Variants in BRINP1 observed in about 807,000 individuals in gnomAD.
The protein encoded by BRINP1 is BMP/retinoic acid-inducible neural-specific protein 1.
BRINP1 carries 17 observed loss-of-function variants against 72.9 expected under a neutral mutation model. The ratio of observed to expected loss-of-function variants is 0.23; its 90% CI spans 0.16 to 0.35. The LOEUF (loss-of-function observed/expected upper bound fraction) is 0.35. Among genes scored for constraint, BRINP1 ranks in the 10% least tolerant of loss-of-function variants. The probability of loss-of-function intolerance (pLI) is 1.00; values close to 1 mark genes in which losing one functional copy is unlikely to be tolerated. For synonymous variants in BRINP1, 418 were observed against 378.5 expected, an observed-to-expected ratio of 1.10 and a Z score of -1.21; for missense variants, 850 against 1,001.6, an observed-to-expected ratio of 0.85 and a Z score of 2.04.
At chr9:119,267,505 G>A (rs969705843) in intron 2 of BRINP1, among the ~76,000 whole-genome samples, 4 of 151,748 alleles carry the variant, frequency 2.6e-5, no homozygotes, top group Non-Finnish European at 5.9e-5. Flanking sequence ...GTGTGGTGGC[G>A]GGTGCCTGTA....
chr9:119,191,505 A>G (rs867078177), intron 7 of BRINP1, among the ~76,000 whole-genome samples: 5 of 152,020 alleles, frequency 3.3e-5, no homozygotes, highest in Middle Eastern at 3.4e-3. Flanking sequence ...GTTGAAAAAG[A>G]AATTTTAAAA....
chr9:119,304,233 T>C (rs753596186), intron 2 of BRINP1, among the ~76,000 whole-genome samples: 1 of 152,192 alleles, frequency 6.6e-6, no homozygotes, highest in Non-Finnish European at 1.5e-5. Flanking sequence ...TCTTGGAATT[T>C]ATCCTTATTT....
intron 2 of BRINP1, among the ~76,000 whole-genome samples, chr9:119,283,633 A>G (rs1177720410): frequency 1.3e-5 from 2 of 152,096 alleles, no homozygotes; most frequent in Non-Finnish European, 1.5e-5. Flanking sequence ...GGTTCAAGCA[A>G]TTGATTCTCT....
At chr9:119,300,926 T>C (rs1215816185) in intron 2 of BRINP1, among the ~76,000 whole-genome samples, 1 of 152,240 alleles carries the variant, frequency 6.6e-6, no homozygotes, top group Non-Finnish European at 1.5e-5. Context: ...TTTCCCGCTG[T>C]ACCACCAGCC....
chr9:119,333,199 G>A (rs1831316814), intron 1 of BRINP1, among the ~76,000 whole-genome samples: 1 of 151,908 alleles, frequency 6.6e-6, no homozygotes, highest in Admixed American at 6.6e-5. Context: ...GGTGGCTCAT[G>A]CCTGTAATCC....
chr9:119,192,980 G>A (rs976257690), intron 7 of BRINP1, among the ~76,000 whole-genome samples: 1 of 152,198 alleles, frequency 6.6e-6, no homozygotes, highest in African/African-American at 2.4e-5. Flanking sequence ...TTATGGCATA[G>A]TATTTGCATA....
intron 5 of BRINP1, among the ~76,000 whole-genome samples, chr9:119,238,206 T>G (rs1830210929): frequency 6.6e-6 from 1 of 152,192 alleles, no homozygotes; most frequent in Non-Finnish European, 1.5e-5. Context: ...CTATGTGTAC[T>G]TAAAGCCTTG....
intron 1 of BRINP1, among the ~76,000 whole-genome samples, chr9:119,350,892 G>A (rs1388168080): frequency 6.7e-6 from 1 of 149,050 alleles, no homozygotes; most frequent in East Asian, 2.0e-4. Context: ...AACCACAAGT[G>A]TATTTATGTC....
chr9:119,167,953 G>T lies in BRINP1; in HGVS notation c.1417C>A (p.Gln473Lys), dbSNP rs1181601754. The change falls in exon 8 of 8, where the codon CAG becomes AAG. Residue 473 changes from glutamine to lysine, a missense_variant. Coordinates refer to ENST00000265922, the MANE Select transcript of BRINP1 (RefSeq NM_014618.3). This position sits in a 1 kb window ranked among gnomAD's most constrained non-coding sequence, Gnocchi z 4.3. ...PQNVDSERSEQFISFETDLDF... is the reference protein window; with the variant it reads ...PQNVDSERSEKFISFETDLDF... ...AGGTCAGTCTCAAAGCTGATGAACT[G>T]CTCGCTCCGCTCCGAGTCCACGTTC... is the stretch of plus-strand genomic sequence containing the variant. The T allele has an allele frequency of 6.2e-7, 1 of 1,614,228 alleles. No homozygotes were observed. Among genetic ancestry groups the T allele is most frequent in the Non-Finnish European group, 8.5e-7 (1 of 1,180,042 alleles).
intron 1 of BRINP1, among the ~76,000 whole-genome samples, chr9:119,327,414 G>A (rs1831251055): frequency 1.3e-5 from 2 of 152,146 alleles, no homozygotes; most frequent in Non-Finnish European, 2.9e-5. Context: ...TTATTGGGTA[G>A]GTACTGAATC....
rs1156576405 is a variant in BRINP1, at chr9:119,167,574, T to A, written c.1796A>T (p.Asn599Ile). Residue 599 changes from asparagine to isoleucine, a missense_variant, in exon 8 of 8, where the codon AAC becomes ATC. By Grantham distance (149) the Asn-to-Ile change is moderately radical. Coordinates refer to ENST00000265922, the MANE Select transcript of BRINP1 (RefSeq NM_014618.3). The surrounding 1 kb of genome is among the most constrained non-coding windows in gnomAD (Gnocchi z 4.3). ...CCGATTGCCCAGCAAAAGAGTCCAG[T>A]TGTAGCACTGGCTGTTTTGGAGACG... ...KIRLQNSQCY[N>I]WTLLLGNRWK... The A allele has an allele frequency of 6.2e-7, 1 of 1,614,030 alleles. No homozygotes were observed. Among genetic ancestry groups the A allele is most frequent in the Non-Finnish European group, 8.5e-7 (1 of 1,180,036 alleles).
intron 7 of BRINP1, among the ~76,000 whole-genome samples, chr9:119,169,482 C>G (rs918041568): frequency 5.3e-5 from 8 of 152,212 alleles, no homozygotes; most frequent in Non-Finnish European, 1.0e-4. Context: ...GAGGGTCCTA[C>G]GCCCACAGAG....
intron 7 of BRINP1, among the ~76,000 whole-genome samples, chr9:119,180,507 GTGTGTGTGT>G (rs1829544270): frequency 7.0e-6 from 1 of 142,518 alleles, no homozygotes; most frequent in African/African-American, 3.0e-5. Flanking sequence ...GTGTGTGTGT[GTGTGTGTGT>G]TAAAGAAGTG....
intron 2 of BRINP1, among the ~76,000 whole-genome samples, chr9:119,265,141 TACTC>T (rs1304505704): frequency 6.6e-6 from 1 of 152,232 alleles, no homozygotes; most frequent in Admixed American, 6.5e-5. Flanking sequence ...AGGTTCATCT[TACTC>T]ACCAATATCA....
intron 2 of BRINP1, among the ~76,000 whole-genome samples, chr9:119,263,793 A>G (rs1397362830): frequency 6.6e-6 from 1 of 151,796 alleles, no homozygotes; most frequent in Non-Finnish European, 1.5e-5. Flanking sequence ...TATTTTTAGT[A>G]GAGACGGGGT....
At chr9:119,228,748 T>G (rs557204255) in intron 5 of BRINP1, among the ~76,000 whole-genome samples, 1 of 152,150 alleles carries the variant, frequency 6.6e-6, no homozygotes, top group Admixed American at 6.5e-5. Context: ...GCGTGTTGGT[T>G]ATTATCATTG....
chr9:119,359,852 G>A (rs150967920), intron 1 of BRINP1, among the ~76,000 whole-genome samples: 2,776 of 152,254 alleles, frequency 0.018, 73 homozygotes, highest in African/African-American at 0.049. Flanking sequence ...TATGTCACAT[G>A]CTTGGCACAT....
intron 5 of BRINP1, among the ~76,000 whole-genome samples, chr9:119,229,386 T>C (rs749061314): frequency 3.3e-5 from 5 of 152,070 alleles, no homozygotes; most frequent in Non-Finnish European, 7.4e-5. Flanking sequence ...CCATAGGAAG[T>C]AAGTTAGTAA....
chr9:119,174,126 TAAAC>T (rs1372947537), intron 7 of BRINP1, among the ~76,000 whole-genome samples: 8 of 148,248 alleles, frequency 5.4e-5, no homozygotes, highest in Non-Finnish European at 1.0e-4. Flanking sequence ...GGGATCTAAT[TAAAC>T]TAAAGAGCTT....
Sources: allele counts gnomAD v4.1 joint callset (sites outside exome capture counted in the v4.1 genomes callset), GRCh38; gene constraint gnomAD v4.1.1; non-coding constraint Gnocchi (gnomAD v3.1); transcripts MANE v1.5; gene names NCBI Gene and HGNC (gene_info 2026-07-23, HGNC 2026-07-21).